Variants in MIA2 observed in about 807,000 individuals in gnomAD.
MIA2 encodes MIA SH3 domain ER export factor 2.
Under a neutral mutation model 167.8 loss-of-function variants are expected in MIA2, and 127 were observed. The ratio of observed to expected loss-of-function variants is 0.76; its 90% CI spans 0.66 to 0.88. The LOEUF is 0.88. Ranked by LOEUF, MIA2 falls within the 40% of genes least tolerant of loss-of-function variation. The pLI, the probability that MIA2 is intolerant of heterozygous loss-of-function variation, is 0.00. For missense variants in MIA2, 1,690 were observed against 1,624.7 expected (o/e 1.04, Z -0.69); for synonymous variants, 552 against 541.9 (o/e 1.02, Z -0.26).
At chr14:39,358,435 A>G (rs2074588585) in intron 23 of MIA2, among the ~76,000 whole-genome samples, 1 of 152,098 alleles carries the variant, frequency 6.6e-6, no homozygotes, top group African/African-American at 2.4e-5. Context: ...TGCATTGGTT[A>G]TTCTAGTTCG....
At chr14:39,245,776 G>T (rs954557540) in intron 3 of MIA2, among the ~76,000 whole-genome samples, 1 of 152,098 alleles carries the variant, frequency 6.6e-6, no homozygotes, top group Non-Finnish European at 1.5e-5. Flanking sequence ...TAACAAGCCC[G>T]CTCATGTAGT....
At chr14:39,299,767 A>G (rs758388810) in intron 13 of MIA2, 97 bp from the exon 14 acceptor site, 29 of 1,302,930 alleles carry the variant, frequency 2.2e-5, no homozygotes, top group Non-Finnish European at 3.0e-5. Flanking sequence ...AATAGGAGCC[A>G]TGTTTTTCTT....
downstream of MIA2, among the ~76,000 whole-genome samples, chr14:39,352,298 A>G (rs1422579617): frequency 6.7e-6 from 1 of 148,236 alleles, no homozygotes; most frequent in East Asian, 2.0e-4. Flanking sequence ...CCTTTTTACT[A>G]ATTTCTTGGG....
At chr14:39,325,109 G>C (rs547652513) in intron 24 of MIA2, among the ~76,000 whole-genome samples, 2 of 152,142 alleles carry the variant, frequency 1.3e-5, no homozygotes, top group African/African-American at 2.4e-5. Flanking sequence ...TGTTGTCCCA[G>C]CTACTTGTAA....
At chr14:39,239,204 TG>T (rs1010394138) in intron 2 of MIA2, among the ~76,000 whole-genome samples, 6 of 152,226 alleles carry the variant, frequency 3.9e-5, no homozygotes, top group African/African-American at 1.4e-4. Flanking sequence ...ATTGCTTGTC[TG>T]GCCTCTGCAG....
chr14:39,319,653 T>C (rs1021528333), intron 23 of MIA2, among the ~76,000 whole-genome samples: 3 of 152,068 alleles, frequency 2.0e-5, no homozygotes, highest in African/African-American at 7.2e-5. Flanking sequence ...ATTGTGACTG[T>C]TTATATATTA....
rs2060144874 is a variant in MIA2, at chr14:39,288,450, TATATATA to T, written c.2131-2568_2131-2562del. Among the ~76,000 whole-genome samples, 76 of 25,442 alleles carry T rather than the reference TATATATA, an allele frequency of 3.0e-3. 3 individuals carry two copies. Among genetic ancestry groups the T allele is most frequent in the African/African-American group, 7.9e-3 (53 of 6,720 alleles). 16.7% of individuals were successfully genotyped at this position (25,442 alleles called of 152,430 possible). A position where few individuals can be genotyped will look rare whatever the true frequency, so the allele number is the denominator to read the frequency against. Reference sequence around the variant, plus strand: ...TATTATACATATATATATATATATATATATATATATATATATATATATATATTTTTTT... The same window carrying T: ...TATTATACATATATATATATATATATTATATATATATATATATATTTTTTT... On this transcript the variant is annotated intron_variant, in intron 9 of 28. Transcript: ENST00000640607.
At chr14:39,339,942 C>T (rs1384997807) in intron 25 of MIA2, among the ~76,000 whole-genome samples, 2 of 152,270 alleles carry the variant, frequency 1.3e-5, no homozygotes, top group East Asian at 3.9e-4. Context: ...ACCTCCTGGG[C>T]CCAAGTGATC....
downstream of MIA2, among the ~76,000 whole-genome samples, chr14:39,352,781 A>G (rs2074423786): frequency 6.6e-6 from 1 of 152,206 alleles, no homozygotes; most frequent in Non-Finnish European, 1.5e-5. Flanking sequence ...TATGTTGTAC[A>G]CAGAATGATA....
chr14:39,340,568 A>G (rs553112881), intron 25 of MIA2, among the ~76,000 whole-genome samples: 27 of 152,336 alleles, frequency 1.8e-4, no homozygotes, highest in African/African-American at 6.3e-4. Flanking sequence ...CAGTTTTTTC[A>G]GACAAGACTG....
intron 6 of MIA2, among the ~76,000 whole-genome samples, chr14:39,260,789 A>G (rs982001049): frequency 3.9e-5 from 6 of 152,082 alleles, no homozygotes; most frequent in African/African-American, 1.2e-4. Flanking sequence ...GTCCATGCCT[A>G]TGTCCTGAAT....
Position 39,294,004 on chromosome 14 carries a change from C to T in MIA2, c.2324C>T (p.Ala775Val), listed in dbSNP as rs139644527. 130 of 1,606,080 alleles carry T rather than the reference C, an allele frequency of 8.1e-5. 1 individual carries two copies. The African/African-American group carries it at 9.1e-4, about 11-fold the overall frequency. The change falls in exon 12 of 29, where the codon GCG becomes GTG. Residue 775 changes from alanine to valine, a missense_variant. By Grantham distance (64) the Ala-to-Val change is moderately conservative. Coordinates refer to ENST00000640607, the MANE Select transcript of MIA2 (RefSeq NM_001329214.4). Reference protein sequence around the residue: ...SKHSEQDELMADISKRIQSLE... With the variant: ...SKHSEQDELMVDISKRIQSLE... ...TGCCTGATACTGTGTTTCTAGATGG[C>T]GGATATTTCAAAAAGGATACAGTCT...
chr14:39,268,708 A>G (rs2056519450), intron 6 of MIA2, among the ~76,000 whole-genome samples: 1 of 152,200 alleles, frequency 6.6e-6, no homozygotes. Context: ...ATTAGATGTT[A>G]GGGAAACAAA....
In MIA2 at chr14:39,270,200, G is replaced by GT. The variant is rs35675093; in HGVS notation, c.1888-6715dup. Reference sequence around the variant, plus strand: ...GTGAGTGGTATTTCACTCTGTTGTGGTTTTTTTTTTTTTTTTTTTGAGACT... The same window carrying GT: ...GTGAGTGGTATTTCACTCTGTTGTGGTTTTTTTTTTTTTTTTTTTTGAGACT... On this transcript the variant is annotated intron_variant, in intron 6 of 28. Coordinates refer to ENST00000640607, the MANE Select transcript of MIA2 (RefSeq NM_001329214.4). 1.7e-3 allele frequency among the ~76,000 whole-genome samples: 146 copies of GT among 88,012 alleles called. 1 individual carries two copies. Among genetic ancestry groups the GT allele is most frequent in the African/African-American group, 5.1e-3 (115 of 22,366 alleles). The allele number at this position is 88,012 out of a possible 152,430, so 57.7% of individuals were successfully genotyped here. A position where few individuals can be genotyped will look rare whatever the true frequency, so the allele number is the denominator to read the frequency against.
intron 23 of MIA2, among the ~76,000 whole-genome samples, chr14:39,361,483 A>T (rs565201175): frequency 5.3e-5 from 8 of 150,062 alleles, no homozygotes; most frequent in African/African-American, 2.0e-4. Context: ...TTGTTGCCCA[A>T]GCTGGAGTGC....
At chr14:39,266,915 G>T in intron 6 of MIA2, 1 of 658,088 alleles carries the variant, frequency 1.5e-6, no homozygotes, top group Non-Finnish European at 1.9e-6. Flanking sequence ...CCCGAGGCGG[G>T]TGCCCTTGGG....
At chr14:39,265,978 T>C (rs1242740700) in intron 6 of MIA2, 9 of 985,312 alleles carry the variant, frequency 9.1e-6, no homozygotes, top group Non-Finnish European at 1.1e-5. Flanking sequence ...AAAGGAGAAA[T>C]AGCAATCTTG....
In MIA2 at chr14:39,320,925, C is replaced by T; in HGVS notation, c.3368-3C>T. On this transcript the variant is annotated splice_polypyrimidine_tract_variant and splice_region_variant and intron_variant, in intron 23 of 28. Coordinates refer to ENST00000640607, the MANE Select transcript of MIA2 (RefSeq NM_001329214.4). ...TTTAAATATGCTGTTTTAATTATTC[C>T]AGAGCATTCCCCATATGGTCCCTCA... 6.2e-7 allele frequency: 1 copy of T among 1,611,472 alleles called. No individual in the cohort carries two copies. The highest frequency in any genetic ancestry group is 8.5e-7 in the Non-Finnish European group (1 of 1,179,116).
chr14:39,296,605 C>CTTTT (rs56677159), intron 13 of MIA2, among the ~76,000 whole-genome samples: 2 of 138,680 alleles, frequency 1.4e-5, no homozygotes, highest in African/African-American at 5.4e-5. Flanking sequence ...CTTTTCTTTT[C>CTTTT]TTTTTTTTTT....
Sources: allele counts gnomAD v4.1 joint callset (sites outside exome capture counted in the v4.1 genomes callset), GRCh38; gene constraint gnomAD v4.1.1; transcripts MANE v1.5; gene names NCBI Gene and HGNC (gene_info 2026-07-23, HGNC 2026-07-21).